Variants in CDH18 observed in about 807,000 individuals in gnomAD.
CDH18 encodes the protein cadherin 18.
CDH18 carries 31 observed loss-of-function variants against 67.9 expected under a neutral mutation model. That is an observed-to-expected ratio of 0.46 (90% confidence interval 0.34 to 0.62). The LOEUF is 0.62. Among genes scored for constraint, CDH18 ranks in the 20% least tolerant of loss-of-function variants. CDH18 has a pLI of 0.01. For synonymous variants in CDH18, 362 were observed against 347.2 expected (o/e 1.04, Z -0.48); for missense variants, 890 against 975.5 (o/e 0.91, Z 1.17).
rs141489115 is a variant in CDH18 at position 20,567,712 on chromosome 5, G to A, written c.-580+7750C>T. Among the ~76,000 whole-genome samples the A allele has an allele frequency of 1.1e-4, 16 of 152,272 alleles. No individual in the cohort carries two copies. In the East Asian group the frequency reaches 3.1e-3, roughly 29 times the overall value. ...CCTAATGAGTAGCAAGCTGGAAAAG[G>A]AGAAATGTTCTTTCAAGAGCCTCAG... On this transcript the variant is annotated intron_variant, in intron 1 of 14. Transcript: ENST00000507958.
At chr5:19,516,668 T>C (rs972240052) in intron 10 of CDH18, among the ~76,000 whole-genome samples, 2 of 152,182 alleles carry the variant, frequency 1.3e-5, no homozygotes, top group African/African-American at 4.8e-5. Context: ...GATGGTAGTT[T>C]GTATTTCTGT....
intron 2 of CDH18, among the ~76,000 whole-genome samples, chr5:20,143,960 T>C (rs1750438679): frequency 1.3e-5 from 2 of 152,174 alleles, no homozygotes; most frequent in South Asian, 2.1e-4. Flanking sequence ...GAAAGGTGTG[T>C]GGAGGCCTCT....
intron 7 of CDH18, among the ~76,000 whole-genome samples, chr5:19,573,418 A>G (rs980483281): frequency 2.6e-5 from 4 of 152,016 alleles, no homozygotes; most frequent in Admixed American, 1.3e-4. Flanking sequence ...AGCTGGAACT[A>G]CAGGCGCCTG....
At position 20,019,086 on chromosome 5, in the gene CDH18, C is replaced by T. The variant is rs984093453; in HGVS notation, c.-517-27072G>A. Reference sequence around the variant, plus strand: ...TGCTGGGATTACAGGCGTGAGCCACCGCGCCCGGCCTAATAAGGCATTCTT... The same window carrying T: ...TGCTGGGATTACAGGCGTGAGCCACTGCGCCCGGCCTAATAAGGCATTCTT... On this transcript the variant is annotated intron_variant, in intron 2 of 14. Coordinates refer to the CDH18 transcript ENST00000507958. Among the ~76,000 whole-genome samples, 12 of 142,410 alleles carry T rather than the reference C, an allele frequency of 8.4e-5. No individual in the cohort carries two copies. In the East Asian group the frequency reaches 2.1e-3, roughly 25 times the overall value. The allele number at this position is 142,410 out of a possible 152,430, so 93.4% of individuals were successfully genotyped here.
chr5:20,025,470 T>A (rs1738815331), intron 2 of CDH18, among the ~76,000 whole-genome samples: 1 of 152,182 alleles, frequency 6.6e-6, no homozygotes, highest in African/African-American at 2.4e-5. Context: ...ACTCAATTGG[T>A]CACATTTCCA....
intron 3 of CDH18, among the ~76,000 whole-genome samples, chr5:19,748,112 C>CAAATAAAAAAAAAAA (rs1770327570): frequency 6.7e-5 from 1 of 14,858 alleles, no homozygotes; most frequent in Non-Finnish European, 1.3e-4. Flanking sequence ...GACTCCATCT[C>CAAATAAAAAAAAAAA]AAAAAAAAAA....
intron 2 of CDH18, among the ~76,000 whole-genome samples, chr5:20,116,861 T>C (rs1430455694): frequency 1.3e-5 from 2 of 152,174 alleles, no homozygotes; most frequent in Non-Finnish European, 2.9e-5. Context: ...ATGGCCAATT[T>C]TTCCAGAAAA....
intron 5 of CDH18, among the ~76,000 whole-genome samples, chr5:19,679,747 T>C (rs971417573): frequency 6.6e-6 from 1 of 151,628 alleles, no homozygotes; most frequent in African/African-American, 2.4e-5. Context: ...AGGCGGAAGA[T>C]CTCTACAAAG....
chr5:19,833,306 T>A lies in CDH18; in HGVS notation c.228+5453A>T, dbSNP rs1218176297. Among the ~76,000 whole-genome samples, 6 of 151,978 alleles carry A rather than the reference T, an allele frequency of 3.9e-5. No homozygotes were observed. The East Asian group carries it at 1.2e-3, about 29-fold the overall frequency. On this transcript the variant is annotated intron_variant, in intron 3 of 12. Coordinates refer to ENST00000382275, the MANE Select transcript of CDH18 (RefSeq NM_004934.5). The stretch of plus-strand genomic sequence containing the variant: ...GGAGCAATCATGAATGGGAGTTCAT[T>A]CATGGCTCTCTCCTTGCCTATTGTT...
At chr5:19,956,321 T>A (rs1035490423) in intron 2 of CDH18, among the ~76,000 whole-genome samples, 3 of 151,992 alleles carry the variant, frequency 2.0e-5, no homozygotes, top group African/African-American at 7.2e-5. Context: ...TCAATTTTAA[T>A]CTTTTTGATC....
intron 5 of CDH18, among the ~76,000 whole-genome samples, chr5:19,679,990 T>C (rs529489545): frequency 7.7e-4 from 117 of 152,098 alleles, no homozygotes; most frequent in African/African-American, 2.6e-3. Flanking sequence ...AAAGCAATCC[T>C]AATTAAAAAG....
At chr5:20,317,712 CA>C (rs1270173802) in intron 1 of CDH18, among the ~76,000 whole-genome samples, 1 of 152,074 alleles carries the variant, frequency 6.6e-6, no homozygotes, top group Non-Finnish European at 1.5e-5. Flanking sequence ...TGACATAACA[CA>C]TTTTAGTTAC....
intron 5 of CDH18, among the ~76,000 whole-genome samples, chr5:19,720,702 A>C (rs28758966): frequency 6.6e-6 from 1 of 152,184 alleles, no homozygotes; most frequent in Non-Finnish European, 1.5e-5. Context: ...TGATTGACAT[A>C]ATATGTTTTG....
intron 1 of CDH18, among the ~76,000 whole-genome samples, chr5:20,472,360 A>G (rs1003983519): frequency 2.0e-5 from 3 of 152,192 alleles, no homozygotes; most frequent in African/African-American, 7.2e-5. Flanking sequence ...AAGCTTCATG[A>G]TTATTTAAAT....
At chr5:20,110,235 T>C (rs909943768) in intron 2 of CDH18, among the ~76,000 whole-genome samples, 1 of 152,226 alleles carries the variant, frequency 6.6e-6, no homozygotes, top group Non-Finnish European at 1.5e-5. Flanking sequence ...CTTGTATATT[T>C]TTTCTTACTA....
intron 1 of CDH18, among the ~76,000 whole-genome samples, chr5:20,368,750 A>G (rs1406359855): frequency 2.6e-5 from 4 of 152,148 alleles, no homozygotes; most frequent in African/African-American, 4.8e-5. Flanking sequence ...CAAAGCCCCA[A>G]TTCTGGTGCC....
chr5:20,406,847 G>A (rs570334999), intron 1 of CDH18, among the ~76,000 whole-genome samples: 2 of 152,126 alleles, frequency 1.3e-5, no homozygotes, highest in African/African-American at 4.8e-5. Context: ...ACATAAACTA[G>A]TCAAAAGGCT....
chr5:20,457,430 T>C (rs1750914338), intron 1 of CDH18, among the ~76,000 whole-genome samples: 1 of 152,152 alleles, frequency 6.6e-6, no homozygotes, highest in South Asian at 2.1e-4. Context: ...TGTAAGTGGA[T>C]GGTACCGATG....
intron 3 of CDH18, among the ~76,000 whole-genome samples, chr5:19,833,346 C>T (rs1781265204): frequency 6.6e-6 from 1 of 151,970 alleles, no homozygotes; most frequent in Non-Finnish European, 1.5e-5. Flanking sequence ...TAAAGGAATG[C>T]TTGTGATGTT....
Sources: allele counts gnomAD v4.1 joint callset (sites outside exome capture counted in the v4.1 genomes callset), GRCh38; gene constraint gnomAD v4.1.1; transcripts MANE v1.5; gene names NCBI Gene and HGNC (gene_info 2026-07-23, HGNC 2026-07-21).